The following C1QTNF3 variants were observed in gnomAD, a reference collection of about 807,000 sequenced individuals.
C1QTNF3 encodes the protein C1q and TNF related 3.
In C1QTNF3, 26 loss-of-function variants were observed where a neutral mutation model predicts 32.6. That is an observed-to-expected ratio of 0.80 (90% CI 0.58 to 1.11). The LOEUF (loss-of-function observed/expected upper bound fraction) is 1.11. Ranked by LOEUF, C1QTNF3 falls within the 50% of genes least tolerant of loss-of-function variation. The pLI is 0.00. For missense variants in C1QTNF3, 362 were observed against 398.2 expected (o/e 0.91, Z 0.77); for synonymous variants, 155 against 146.0 (o/e 1.06, Z -0.44).
At chr5:34,183,322 A>ATTTT in the C1QTNF3 span, among the ~76,000 whole-genome samples, 256 of 128,530 alleles carry the variant, frequency 2.0e-3, 7 homozygotes, top group African/African-American at 4.2e-3. Flanking sequence ...TAATTTTTTA[A>ATTTT]TTTTCTTTTT....
At chr5:34,069,768 T>C in the C1QTNF3 span, among the ~76,000 whole-genome samples, 1 of 152,156 alleles carries the variant, frequency 6.6e-6, no homozygotes, top group Non-Finnish European at 1.5e-5. Context: ...GGTAGCATAT[T>C]CACAATCAGA....
the C1QTNF3 span, chr5:34,166,431 A>C: frequency 6.6e-6 from 1 of 152,160 alleles, no homozygotes; most frequent in South Asian, 2.1e-4. Context: ...AAAACAAAAA[A>C]CAAAAAACTT....
the C1QTNF3 span, among the ~76,000 whole-genome samples, chr5:34,112,654 T>A: frequency 2.6e-5 from 4 of 151,960 alleles, no homozygotes; most frequent in Non-Finnish European, 5.9e-5. Flanking sequence ...GAGCAGCAAA[T>A]CGAGACCCTG....
At chr5:34,217,156 C>G in the C1QTNF3 span, among the ~76,000 whole-genome samples, 2 of 152,044 alleles carry the variant, frequency 1.3e-5, no homozygotes, top group Non-Finnish European at 1.5e-5. Flanking sequence ...AGTCTGCAAC[C>G]TTTTAGAGTG....
the C1QTNF3 span, among the ~76,000 whole-genome samples, chr5:34,176,746 A>T: frequency 6.6e-6 from 1 of 151,970 alleles, no homozygotes; most frequent in Non-Finnish European, 1.5e-5. Flanking sequence ...GGTCCCAGCT[A>T]CTTGGGAGGC....
chr5:34,085,530 C>G, the C1QTNF3 span, among the ~76,000 whole-genome samples: 2 of 151,438 alleles, frequency 1.3e-5, no homozygotes, highest in African/African-American at 4.9e-5. Flanking sequence ...TGTTTTGGTA[C>G]CAGTACCATG....
chr5:34,035,261 T>A (rs954279014), intron 2 of C1QTNF3, among the ~76,000 whole-genome samples: 7 of 151,468 alleles, frequency 4.6e-5, no homozygotes, highest in African/African-American at 1.5e-4. Flanking sequence ...GGCATGAGAG[T>A]CAACTGAGAG....
the C1QTNF3 span, chr5:34,175,813 G>T: frequency 1.3e-6 from 1 of 763,104 alleles, no homozygotes; most frequent in Non-Finnish European, 2.4e-6. Context: ...GCGCTAAACT[G>T]CCACTTACAC....
the C1QTNF3 span, among the ~76,000 whole-genome samples, chr5:34,188,711 A>G: frequency 1.3e-5 from 2 of 152,290 alleles, no homozygotes; most frequent in Non-Finnish European, 2.9e-5. Context: ...ACAGGCTCAC[A>G]GGTGGAAGGG....
At chr5:34,118,966 T>C in the C1QTNF3 span, among the ~76,000 whole-genome samples, 2 of 152,294 alleles carry the variant, frequency 1.3e-5, no homozygotes, top group South Asian at 2.1e-4. Flanking sequence ...TGTTTGTATA[T>C]ACATTACCAA....
chr5:34,197,361 T>G, the C1QTNF3 span, among the ~76,000 whole-genome samples: 2 of 133,762 alleles, frequency 1.5e-5, no homozygotes, highest in South Asian at 2.4e-4. Flanking sequence ...GATACAAGGG[T>G]AATATTAACA....
chr5:34,078,093 G>A, the C1QTNF3 span, among the ~76,000 whole-genome samples: 2,187 of 151,438 alleles, frequency 0.014, 106 homozygotes, highest in African/African-American at 0.051. This position sits in a 1 kb window ranked among gnomAD's most constrained non-coding sequence, Gnocchi z 4.0. Context: ...TGCTTTATGT[G>A]ACAGAATTGG....
At chr5:34,243,642 G>T in the C1QTNF3 span, among the ~76,000 whole-genome samples, 1 of 151,994 alleles carries the variant, frequency 6.6e-6, no homozygotes, top group Admixed American at 6.6e-5. Flanking sequence ...CCATAAAAAA[G>T]AATGAAATTA....
At chr5:34,203,563 G>A in the C1QTNF3 span, among the ~76,000 whole-genome samples, 1 of 151,596 alleles carries the variant, frequency 6.6e-6, no homozygotes, top group South Asian at 2.1e-4. Context: ...GCCGGCACCT[G>A]TAATCCCATC....
At chr5:34,143,806 G>C in the C1QTNF3 span, among the ~76,000 whole-genome samples, 4 of 152,102 alleles carry the variant, frequency 2.6e-5, no homozygotes, top group Non-Finnish European at 5.9e-5. Context: ...ATTGAAAAAT[G>C]ACACCTGCTA....
the C1QTNF3 span, among the ~76,000 whole-genome samples, chr5:34,240,349 TA>T: frequency 6.6e-6 from 1 of 151,384 alleles, no homozygotes; most frequent in African/African-American, 2.4e-5. Context: ...AGAGTTGATT[TA>T]AAAAAAGAGA....
the C1QTNF3 span, among the ~76,000 whole-genome samples, chr5:34,236,579 T>C: frequency 1.4e-4 from 18 of 128,336 alleles, no homozygotes; most frequent in Non-Finnish European, 2.7e-4. Context: ...TCTTTTTTTT[T>C]TTTTTTTTTT....
chr5:34,110,438 A>C, the C1QTNF3 span, among the ~76,000 whole-genome samples: 1 of 152,028 alleles, frequency 6.6e-6, no homozygotes, highest in Non-Finnish European at 1.5e-5. Context: ...CCCAAGAAAG[A>C]CAAGCCATAG....
At chr5:34,240,369 C>A in the C1QTNF3 span, among the ~76,000 whole-genome samples, 1 of 151,366 alleles carries the variant, frequency 6.6e-6, no homozygotes, top group Non-Finnish European at 1.5e-5. Context: ...GATTGATAGA[C>A]CTTTAGCTAG....
Sources: gnomAD v4.1 joint callset for allele counts (sites outside exome capture counted in the v4.1 genomes callset) on GRCh38, gnomAD v4.1.1 for gene constraint, Gnocchi (gnomAD v3.1) non-coding constraint, MANE v1.5 for transcripts, NCBI Gene and HGNC (gene_info 2026-07-23, HGNC 2026-07-21) for gene names.